The following RICTOR variants were observed in gnomAD, a reference collection of about 807,000 sequenced individuals.
RICTOR encodes the protein rapamycin-insensitive companion of mTOR.
A neutral mutation model predicts 214.9 loss-of-function variants in RICTOR; 49 were observed. That is an observed-to-expected ratio of 0.23 (90% CI 0.18 to 0.29). RICTOR has a LOEUF of 0.29. Among genes scored for constraint, RICTOR ranks in the 10% least tolerant of loss-of-function variants. The probability of loss-of-function intolerance (pLI) is 1.00; values close to 1 mark genes in which losing one functional copy is unlikely to be tolerated. For missense variants in RICTOR, 1,625 were observed against 2,047.0 expected, an observed-to-expected ratio of 0.79 and a Z score of 3.98; for synonymous variants, 717 against 711.3, an observed-to-expected ratio of 1.01 and a Z score of -0.13.
At chr5:39,000,684 TG>T (rs1753549007) in intron 5 of RICTOR, among the ~76,000 whole-genome samples, 1 of 151,998 alleles carries the variant, frequency 6.6e-6, no homozygotes, top group African/African-American at 2.4e-5. Context: ...AGATATAAAA[TG>T]GACATCATCT....
chr5:38,988,683 A>C (rs554318817), intron 7 of RICTOR, among the ~76,000 whole-genome samples: 30 of 152,326 alleles, frequency 2.0e-4, no homozygotes, highest in African/African-American at 7.0e-4. Flanking sequence ...AGGATACAAA[A>C]TCAATGTGCA....
At position 39,044,775 on chromosome 5, in the gene RICTOR, T is replaced by G. The variant is rs1158521896; in HGVS notation, c.98-23639A>C. ...AAAAAGAAAAAGGCAAACAAAAATT[T>G]AAGCCTGCTGTCTACCTTCAGAAAA... On this transcript the variant is annotated intron_variant, in intron 2 of 37. Coordinates refer to ENST00000357387, the MANE Select transcript of RICTOR (RefSeq NM_152756.5). 2.6e-5 allele frequency among the ~76,000 whole-genome samples: 4 copies of G among 152,192 alleles called. No individual in the cohort carries two copies. In the South Asian group the frequency reaches 8.3e-4, roughly 31 times the overall value.
rs201132232 is a variant in RICTOR at position 38,981,989 on chromosome 5, T to C, written c.631A>G (p.Ile211Val). The change falls in exon 8 of 38, where the codon ATC (isoleucine) becomes GTC (valine). Residue 211 changes from isoleucine to valine, a missense_variant. Coordinates refer to ENST00000357387, the MANE Select transcript of RICTOR (RefSeq NM_152756.5). ...TGGCAATCGATCACATTTTTCAAGA[T>C]GGTGTTTAGTCCACCTCGAAGGGCC... ...VVALRGGLNT[I>V]LKNVIDCQLS... is the part of the protein sequence containing the mutation. 17 of 1,613,314 alleles carry C rather than the reference T, an allele frequency of 1.1e-5. No homozygotes were observed. In the East Asian group the frequency reaches 2.9e-4, roughly 28 times the overall value.
intron 13 of RICTOR, 45 bp downstream of exon 13, chr5:38,967,292 A>C (rs1449475798): frequency 6.3e-7 from 1 of 1,596,972 alleles, no homozygotes; most frequent in Non-Finnish European, 8.6e-7. Flanking sequence ...TAACATAAAA[A>C]CCCGAATTCT....
At chr5:38,993,373 A>G (rs1752929128) in intron 6 of RICTOR, among the ~76,000 whole-genome samples, 1 of 152,190 alleles carries the variant, frequency 6.6e-6, no homozygotes, top group African/African-American at 2.4e-5. Flanking sequence ...TAAGATTAAG[A>G]AAAGAATAGT....
At chr5:38,946,195 T>C (rs894819032) in intron 33 of RICTOR, among the ~76,000 whole-genome samples, 1 of 152,216 alleles carries the variant, frequency 6.6e-6, no homozygotes, top group African/African-American at 2.4e-5. Flanking sequence ...TATACATTGT[T>C]CATGTGCTAC....
intron 8 of RICTOR, among the ~76,000 whole-genome samples, chr5:38,979,232 C>T (rs540733465): frequency 6.6e-6 from 1 of 152,104 alleles, no homozygotes; most frequent in African/African-American, 2.4e-5. Context: ...TTACTGCAAC[C>T]TTGAACTCCT....
chr5:39,037,502 C>A (rs1243577432), intron 2 of RICTOR, among the ~76,000 whole-genome samples: 2 of 151,910 alleles, frequency 1.3e-5, no homozygotes, highest in African/African-American at 4.8e-5. Flanking sequence ...ACACAAAAAA[C>A]CCTTCAAAAA....
rs944219580 is a variant in RICTOR, at chr5:38,982,621, G to C, written c.584-585C>G. The stretch of plus-strand genomic sequence containing the variant: ...CTCAATTTTCCCCCTTCCAAATGTT[G>C]AATCAATTATCCTGGGATGCTTCCC... On this transcript the variant is annotated intron_variant, in intron 7 of 37. Transcript: ENST00000357387. 4.6e-5 allele frequency among the ~76,000 whole-genome samples: 7 copies of C among 152,104 alleles called. No homozygotes were observed. The South Asian group carries it at 8.3e-4, about 18-fold the overall frequency.
intron 30 of RICTOR, 28 bp downstream of exon 30, chr5:38,952,168 C>G (rs2112867510): frequency 7.7e-7 from 1 of 1,300,642 alleles, no homozygotes; most frequent in South Asian, 1.2e-5. Context: ...CATTGGCTAA[C>G]TTTATATGAA....
chr5:39,022,558 GC>G (rs1187272991), intron 2 of RICTOR: 2 of 153,180 alleles, frequency 1.3e-5, no homozygotes, highest in Non-Finnish European at 2.9e-5. Context: ...CTGTGTTGCA[GC>G]TAAAGGCCTG....
intron 27 of RICTOR, 31 bp downstream of exon 27, chr5:38,954,743 G>T: frequency 8.1e-7 from 1 of 1,232,366 alleles, no homozygotes; most frequent in Non-Finnish European, 1.2e-6. Flanking sequence ...TACTATTGTA[G>T]CTACTTAAAA....
At chr5:39,006,446 A>G (rs2150112479) in intron 3 of RICTOR, among the ~76,000 whole-genome samples, 1 of 152,170 alleles carries the variant, frequency 6.6e-6, no homozygotes, top group East Asian at 1.9e-4. Context: ...AGAGAAGATA[A>G]ATCATTTATT....
intron 2 of RICTOR, among the ~76,000 whole-genome samples, chr5:39,036,469 T>A (rs1756703196): frequency 1.3e-5 from 2 of 152,128 alleles, no homozygotes; most frequent in South Asian, 4.1e-4. Flanking sequence ...CATAACAATA[T>A]TAACCTTAAA....
At chr5:38,975,480 G>A (rs956027833) in intron 10 of RICTOR, 57 bp downstream of exon 10, 56 of 1,190,552 alleles carry the variant, frequency 4.7e-5, no homozygotes, top group Non-Finnish European at 6.9e-5. Flanking sequence ...TTTAACATTT[G>A]AAAAAGCAGT....
chr5:39,006,766 GGGAGA>G (rs1163030194), intron 3 of RICTOR, among the ~76,000 whole-genome samples: 2 of 92,150 alleles, frequency 2.2e-5, no homozygotes, highest in East Asian at 4.4e-4. Context: ...GGGAGAGGAG[GGGAGA>G]GGAGAGGAGG....
Position 39,064,771 on chromosome 5 carries a change from G to A in RICTOR, c.97+9340C>T, listed in dbSNP as rs1418655308. On this transcript the variant is annotated intron_variant, in intron 2 of 37. Coordinates refer to ENST00000357387, the MANE Select transcript of RICTOR (RefSeq NM_152756.5). The stretch of plus-strand genomic sequence containing the variant: ...TACATGTATTCATTATTGTTTGTGG[G>A]ACTACTACTCACAGTGATTTAACAA... Among the ~76,000 whole-genome samples, 4 of 152,288 alleles carry A rather than the reference G, an allele frequency of 2.6e-5. No individual in the cohort carries two copies. The South Asian group carries it at 6.2e-4, about 24-fold the overall frequency.
At chr5:38,967,714 C>T (rs981295840) in intron 12 of RICTOR, among the ~76,000 whole-genome samples, 11 of 152,002 alleles carry the variant, frequency 7.2e-5, no homozygotes, top group Admixed American at 1.3e-4. Context: ...CCTTTTTTGG[C>T]CCATTCCTAT....
intron 2 of RICTOR, among the ~76,000 whole-genome samples, chr5:39,055,129 A>C (rs938702427): frequency 2.0e-5 from 3 of 151,524 alleles, no homozygotes; most frequent in Admixed American, 2.0e-4. Context: ...GATTTTTCTA[A>C]ATTATCTCAC....
Sources: allele counts gnomAD v4.1 joint callset (sites outside exome capture counted in the v4.1 genomes callset), GRCh38; gene constraint gnomAD v4.1.1; transcripts MANE v1.5; gene names NCBI Gene and HGNC (gene_info 2026-07-23, HGNC 2026-07-21).